Variants in SMPD4 observed in about 807,000 individuals in gnomAD.
SMPD4 encodes sphingomyelin phosphodiesterase 4.
SMPD4 carries 58 observed loss-of-function variants against 97.8 expected under a neutral mutation model. That is an observed-to-expected ratio of 0.59 (90% CI 0.48 to 0.74). SMPD4 has a LOEUF of 0.74. SMPD4 is among the 30% of genes least tolerant of loss of function. SMPD4 has a pLI of 0.00. For missense variants in SMPD4, 853 were observed against 1,080.5 expected (o/e 0.79, Z 2.95); for synonymous variants, 388 against 450.0 (o/e 0.86, Z 1.74).
At chr2:130,180,439 T>G (rs569289630) in intron 1 of SMPD4, among the ~76,000 whole-genome samples, 12 of 151,818 alleles carry the variant, frequency 7.9e-5, no homozygotes, top group African/African-American at 2.7e-4. Context: ...GCCCGGCTAA[T>G]TTTTGTATTT....
rs998051711 is a variant in SMPD4, at chr2:130,180,855, C to A, written c.-46+675G>T. On this transcript the variant is annotated intron_variant, in intron 1 of 19. Coordinates refer to ENST00000680298, the MANE Select transcript of SMPD4 (RefSeq NM_017951.5). The stretch of plus-strand genomic sequence containing the variant: ...AATTCCCAAGAGGTGTCTCCCACAC[C>A]CCTGTTATCTGACTCTGCCATGGCC... 1.3e-5 allele frequency among the ~76,000 whole-genome samples: 2 copies of A among 152,136 alleles called. 1 individual carries two copies. The highest frequency in any genetic ancestry group is 4.1e-4 in the South Asian group (2 of 4,826).
At position 130,153,780 on chromosome 2, in the gene SMPD4, G is replaced by C. The variant is rs781166037; in HGVS notation, c.1815C>G (p.Asp605Glu). ...TCCGGACACTGTCTTGCCCCATCTC[G>C]TCCAGGTCGTTGGCTGTGTAGGAGC... ...TNGSYTANDL[D>E]EMGQDSVRKT... is the part of the protein sequence containing the mutation. The change falls in exon 17 of 20, where the codon GAC becomes GAG. Residue 605 changes from aspartate to glutamate, a missense_variant. This residue lies in a region of SMPD4 where 511 missense variants were observed against 608.1 expected (regional missense o/e 0.84). Transcript: ENST00000680298. 1.2e-6 allele frequency: 2 copies of C among 1,613,992 alleles called. No homozygotes were observed. The highest frequency in any genetic ancestry group is 3.3e-5 in the Admixed American group (2 of 60,020).
chr2:130,167,596 G>T lies in SMPD4; in HGVS notation c.660-6C>A, dbSNP rs1436423276. The T allele has an allele frequency of 6.3e-7, 1 of 1,594,732 alleles. No individual in the cohort carries two copies. Among genetic ancestry groups the T allele is most frequent in the Non-Finnish European group, 8.6e-7 (1 of 1,167,464 alleles). On this transcript the variant is annotated splice_polypyrimidine_tract_variant and splice_region_variant and intron_variant, in intron 8 of 19. Coordinates refer to ENST00000680298, the MANE Select transcript of SMPD4 (RefSeq NM_017951.5). ...CAAAGGGTATGGCTGGTGTCCTGAG[G>T]GAGACACAGAAACAGGCCCGAGTTA... is the stretch of plus-strand genomic sequence containing the variant.
At position 130,161,298 on chromosome 2, in the gene SMPD4, G is replaced by A. The variant is rs373161005; in HGVS notation, c.865-26C>T. 4.8e-5 allele frequency: 77 copies of A among 1,606,488 alleles called. No individual in the cohort carries two copies. In the East Asian group the frequency reaches 8.5e-4, roughly 18 times the overall value. Reference sequence around the variant, plus strand: ...CTGAGATAAGAAACAGAGAGATGCCGGAAGAGGCCGAAGAGCAGAGGACAA... The same window carrying A: ...CTGAGATAAGAAACAGAGAGATGCCAGAAGAGGCCGAAGAGCAGAGGACAA... On this transcript the variant is annotated intron_variant, in intron 10 of 19. Coordinates refer to ENST00000680298, the MANE Select transcript of SMPD4 (RefSeq NM_017951.5).
In SMPD4 at chr2:130,181,580, C is replaced by T; in HGVS notation, c.-96G>A. The T allele has an allele frequency of 1.2e-6, 2 of 1,606,134 alleles. No individual in the cohort carries two copies. The highest frequency in any genetic ancestry group is 1.7e-6 in the Non-Finnish European group (2 of 1,177,170). On this transcript the variant is annotated 5_prime_UTR_variant, in exon 1 of 20. Coordinates refer to ENST00000680298, the MANE Select transcript of SMPD4 (RefSeq NM_017951.5). ...CTCAGAGATGGAAGCCGCCATTCCG[C>T]CACGGCGCCGAAAGTCGTCATCAAG...
chr2:130,152,911 T>C, intron 19 of SMPD4, 27 bp from the exon 20 acceptor site: 1 of 1,565,252 alleles, frequency 6.4e-7, no homozygotes, highest in Non-Finnish European at 8.7e-7. Flanking sequence ...GGCACGGGGA[T>C]GTGGGGTGGT....
chr2:130,172,472 G>A lies in SMPD4; in HGVS notation c.536C>T (p.Thr179Ile), dbSNP rs772164848. 6.2e-7 allele frequency: 1 copy of A among 1,611,982 alleles called. No individual in the cohort carries two copies. Residue 179 changes from threonine to isoleucine, a missense_variant, in exon 8 of 20, where the codon ACT (threonine) becomes ATT (isoleucine). Thr to Ile is a moderately conservative substitution (Grantham distance 89). Transcript: ENST00000680298. ...KPLPVSLHVR[T>I]SDCAYFILVD... ...CAGGATGAAATAGGCACAGTCTGAA[G>A]TACGGACGTGGAGGGACACAGGAAG... is the stretch of plus-strand genomic sequence containing the variant.
At chr2:130,176,476 T>C (rs1270470961) in intron 2 of SMPD4, 78 bp downstream of exon 2, 3 of 1,229,420 alleles carry the variant, frequency 2.4e-6, no homozygotes, top group Admixed American at 2.2e-5. Context: ...GTTCTTCAAG[T>C]CAATGGGAAG....
chr2:130,176,978 C>T (rs1396412426), intron 1 of SMPD4, among the ~76,000 whole-genome samples: 1 of 152,166 alleles, frequency 6.6e-6, no homozygotes, highest in Non-Finnish European at 1.5e-5. Flanking sequence ...GTGTGAGCCA[C>T]TGCACCTGGC....
intron 12 of SMPD4, among the ~76,000 whole-genome samples, chr2:130,157,034 C>A (rs1374504251): frequency 6.6e-6 from 1 of 152,102 alleles, no homozygotes; most frequent in Non-Finnish European, 1.5e-5. Context: ...CACAATGGGG[C>A]CTCTCTGGCC....
chr2:130,163,719 C>A (rs560841559), intron 10 of SMPD4, among the ~76,000 whole-genome samples: 1 of 152,230 alleles, frequency 6.6e-6, no homozygotes, highest in East Asian at 1.9e-4. Flanking sequence ...TCACTCTGAC[C>A]GGTCCAGGGG....
intron 9 of SMPD4, among the ~76,000 whole-genome samples, chr2:130,166,945 C>G (rs1353457534): frequency 6.6e-6 from 1 of 152,204 alleles, no homozygotes; most frequent in Non-Finnish European, 1.5e-5. Flanking sequence ...GACAGGGGAT[C>G]CTGGGATGAA....
intron 11 of SMPD4, among the ~76,000 whole-genome samples, chr2:130,160,024 T>G (rs2104832073): frequency 6.6e-6 from 1 of 152,264 alleles, no homozygotes; most frequent in South Asian, 2.1e-4. Context: ...TCTGCACCCC[T>G]CCTGGGCCAT....
Position 130,155,015 on chromosome 2 carries a change from G to A in SMPD4, c.1453+81C>T, listed in dbSNP as rs1258791482. On this transcript the variant is annotated intron_variant, in intron 15 of 19. Transcript: ENST00000680298. ...TCTGGGCGTGTGGGTCCCTCTTAAAGACCAGCCACCCCCAGCTAAGGGCCT... is the reference window on the plus strand; with the variant it reads ...TCTGGGCGTGTGGGTCCCTCTTAAAAACCAGCCACCCCCAGCTAAGGGCCT... 2.6e-6 allele frequency: 4 copies of A among 1,549,870 alleles called. No homozygotes were observed. In the East Asian group the frequency reaches 9.2e-5, roughly 36 times the overall value.
At chr2:130,179,672 T>C (rs1333650292) in intron 1 of SMPD4, among the ~76,000 whole-genome samples, 1 of 151,688 alleles carries the variant, frequency 6.6e-6, no homozygotes, top group African/African-American at 2.4e-5. Flanking sequence ...CAATTCTTTT[T>C]TGAGATGGAG....
At chr2:130,164,099 C>CCA (rs773781780) in intron 10 of SMPD4, among the ~76,000 whole-genome samples, 2 of 152,330 alleles carry the variant, frequency 1.3e-5, no homozygotes, top group South Asian at 4.1e-4. Context: ...GTTCCTGCTG[C>CCA]CAGGGAGGGG....
intron 1 of SMPD4, among the ~76,000 whole-genome samples, chr2:130,180,586 G>C (rs1689475577): frequency 6.6e-6 from 1 of 152,158 alleles, no homozygotes; most frequent in Admixed American, 6.5e-5. Flanking sequence ...TCTTAACCTA[G>C]CTATCAACTG....
chr2:130,154,694 G>A (rs1291939091), intron 15 of SMPD4: 1 of 623,576 alleles, frequency 1.6e-6, no homozygotes, highest in African/African-American at 1.8e-5. Flanking sequence ...GCCCCTAGCA[G>A]TGTCTGCAGG....
Position 130,173,572 on chromosome 2 carries a change from A to C in SMPD4, c.211T>G (p.Leu71Val). ...TCCACAGGATTCACGCGCCCCTGTA[A>C]GCAGCGGAGGTTCCAGCCAACGAGG... ...GVLVGWNLRC[L>V]QGRVNPVEYS... is the part of the protein sequence containing the mutation. The change falls in exon 4 of 20, where the codon TTA (leucine) becomes GTA (valine). Residue 71 changes from leucine (L) to valine (V), a missense_variant. Transcript: ENST00000680298. The C allele has an allele frequency of 3.1e-6, 5 of 1,613,828 alleles. No individual in the cohort carries two copies. The highest frequency in any genetic ancestry group is 4.2e-6 in the Non-Finnish European group (5 of 1,179,830).
Sources: gnomAD v4.1 joint callset for allele counts (sites outside exome capture counted in the v4.1 genomes callset) on GRCh38, gnomAD v4.1.1 for gene constraint, gnomAD v4.1.1 regional missense constraint, MANE v1.5 for transcripts, NCBI Gene and HGNC (gene_info 2026-07-23, HGNC 2026-07-21) for gene names.